The following PFDN1 variants were observed in gnomAD, a reference collection of about 807,000 sequenced individuals.
PFDN1 encodes prefoldin subunit 1, also known as prefoldin 1.
A neutral mutation model predicts 17.3 loss-of-function variants in PFDN1; 6 were observed. The ratio of observed to expected loss-of-function variants is 0.35; its 90% CI spans 0.19 to 0.69. PFDN1 has a LOEUF of 0.69. Among genes scored for constraint, PFDN1 ranks in the 30% least tolerant of loss-of-function variants. The probability of loss-of-function intolerance (pLI) is 0.65; values close to 1 mark genes in which losing one functional copy is unlikely to be tolerated. For synonymous variants in PFDN1, 58 were observed against 50.1 expected (o/e 1.16, Z -0.67); for missense variants, 113 against 146.2 (o/e 0.77, Z 1.17).
At chr5:140,280,110 T>G (rs1054999607) in intron 3 of PFDN1, among the ~76,000 whole-genome samples, 12 of 151,990 alleles carry the variant, frequency 7.9e-5, no homozygotes, top group Non-Finnish European at 1.6e-4. Flanking sequence ...GTATTAACAA[T>G]TTAATATATA....
intron 3 of PFDN1, among the ~76,000 whole-genome samples, chr5:140,258,798 G>A (rs1765023715): frequency 6.6e-6 from 1 of 152,190 alleles, no homozygotes. Flanking sequence ...GGAAGATTCT[G>A]AGCTTCGTTT....
chr5:140,247,056 T>C (rs1347339164), intron 3 of PFDN1, among the ~76,000 whole-genome samples: 4 of 152,158 alleles, frequency 2.6e-5, no homozygotes, highest in Admixed American at 2.6e-4. Flanking sequence ...GTTCCACCCA[T>C]TAAAGTGCCC....
chr5:140,269,507 G>A (rs1445398213), intron 3 of PFDN1, among the ~76,000 whole-genome samples: 1 of 151,248 alleles, frequency 6.6e-6, no homozygotes, highest in Admixed American at 6.6e-5. Flanking sequence ...TAGTAGAGAT[G>A]GGGGTCTCTC....
Position 140,300,489 on chromosome 5 carries a change from G to A in PFDN1, c.127C>T (p.His43Tyr). 6.2e-7 allele frequency: 1 copy of A among 1,610,788 alleles called. No individual in the cohort carries two copies. Among genetic ancestry groups the A allele is most frequent in the Non-Finnish European group, 8.5e-7 (1 of 1,177,040 alleles). ...ATCTCTGTATCTGTAAGATGTGCAT[G>A]CTTTTTCGTTCTGTTTAGCTGTTCA... The part of the protein sequence containing the change: ...QIEQLNRTKK[H>Y]AHLTDTEIMT... Residue 43 changes from histidine to tyrosine, a missense_variant, in exon 2 of 4, where the codon CAT (histidine) becomes TAT (tyrosine). Physicochemically the swap from His to Tyr is moderately conservative, Grantham distance 83. Coordinates refer to ENST00000261813, the MANE Select transcript of PFDN1 (RefSeq NM_002622.5).
At chr5:140,275,265 T>G (rs547235013) in intron 3 of PFDN1, among the ~76,000 whole-genome samples, 1 of 151,736 alleles carries the variant, frequency 6.6e-6, no homozygotes, top group African/African-American at 2.4e-5. Flanking sequence ...AAAAATTAGC[T>G]GGGCATGGCG....
chr5:140,300,652 A>T, intron 1 of PFDN1, 70 bp from the exon 2 acceptor site: 1 of 1,036,218 alleles, frequency 9.7e-7, no homozygotes, highest in Non-Finnish European at 1.4e-6. Flanking sequence ...AAATCCAAAT[A>T]TATTAAAACA....
At chr5:140,270,817 T>C (rs1554071924) in intron 3 of PFDN1, among the ~76,000 whole-genome samples, 1 of 151,978 alleles carries the variant, frequency 6.6e-6, no homozygotes, top group Non-Finnish European at 1.5e-5. Context: ...TCCCAGCTAC[T>C]TGGGAGGCTG....
At chr5:140,263,965 G>A (rs1765100036) in intron 3 of PFDN1, among the ~76,000 whole-genome samples, 2 of 139,452 alleles carry the variant, frequency 1.4e-5, no homozygotes, top group South Asian at 4.5e-4. Context: ...AGCTTGCAGT[G>A]AGCCGAGATT....
Position 140,301,524 on chromosome 5 carries a change from C to T in PFDN1, c.34-942G>A, listed in dbSNP as rs576970831. On this transcript the variant is annotated intron_variant, in intron 1 of 3. Transcript: ENST00000261813. ...TTTATTGTGACCTTGTTTTCACCTA[C>T]TAGTAAGGTTTTGAAAGATTTACTT... Among the ~76,000 whole-genome samples, 20 of 152,252 alleles carry T rather than the reference C, an allele frequency of 1.3e-4. No homozygotes were observed. In the South Asian group the frequency reaches 4.1e-3, roughly 32 times the overall value.
chr5:140,294,899 C>T (rs1341616498), intron 2 of PFDN1, among the ~76,000 whole-genome samples: 1 of 151,806 alleles, frequency 6.6e-6, no homozygotes, highest in Non-Finnish European at 1.5e-5. Context: ...CAGATTTATA[C>T]CATTGTTCAT....
intron 3 of PFDN1, among the ~76,000 whole-genome samples, chr5:140,269,475 C>A (rs1220099210): frequency 1.3e-5 from 2 of 152,040 alleles, no homozygotes; most frequent in African/African-American, 4.8e-5. Flanking sequence ...TGCGCCACCA[C>A]GCCCGGCTAA....
chr5:140,247,911 C>A (rs902040871), intron 3 of PFDN1, among the ~76,000 whole-genome samples: 2 of 152,076 alleles, frequency 1.3e-5, no homozygotes, highest in African/African-American at 4.8e-5. Flanking sequence ...GCCTGGGCAA[C>A]AAGAGCAAAA....
At chr5:140,286,668 C>A (rs548027715) in intron 2 of PFDN1, among the ~76,000 whole-genome samples, 45 of 141,554 alleles carry the variant, frequency 3.2e-4, no homozygotes, top group African/African-American at 1.1e-3. Flanking sequence ...TACAGTGATG[C>A]CACCTCAGCT....
intron 2 of PFDN1, among the ~76,000 whole-genome samples, chr5:140,297,808 C>T (rs1765675947): frequency 6.6e-6 from 1 of 152,134 alleles, no homozygotes; most frequent in South Asian, 2.1e-4. Context: ...TGAAACTATT[C>T]TAATTAAAAA....
intron 3 of PFDN1, among the ~76,000 whole-genome samples, chr5:140,279,905 G>A (rs1765364406): frequency 6.9e-6 from 1 of 144,334 alleles, no homozygotes; most frequent in African/African-American, 2.5e-5. Flanking sequence ...TGAGACAGGA[G>A]AATCGCTTGA....
At chr5:140,279,729 C>T (rs770132251) in intron 3 of PFDN1, among the ~76,000 whole-genome samples, 4 of 151,696 alleles carry the variant, frequency 2.6e-5, no homozygotes, top group Non-Finnish European at 4.4e-5. Flanking sequence ...AGGCCAGGCG[C>T]AGTGGCCTAT....
chr5:140,286,834 A>C (rs1765502129), intron 2 of PFDN1, among the ~76,000 whole-genome samples: 1 of 152,004 alleles, frequency 6.6e-6, no homozygotes, highest in South Asian at 2.1e-4. Context: ...CGAACTCCTG[A>C]CCTCAGGGGA....
chr5:140,255,756 T>C (rs985536851), intron 3 of PFDN1, among the ~76,000 whole-genome samples: 1 of 152,190 alleles, frequency 6.6e-6, no homozygotes, highest in African/African-American at 2.4e-5. Context: ...CTTAATCTTC[T>C]ATTTCTTACT....
At chr5:140,289,487 C>T (rs1323700155) in intron 2 of PFDN1, among the ~76,000 whole-genome samples, 1 of 152,052 alleles carries the variant, frequency 6.6e-6, no homozygotes, top group Non-Finnish European at 1.5e-5. Flanking sequence ...TCCATGTTTC[C>T]CTCATTAACT....
Sources: allele counts gnomAD v4.1 joint callset (sites outside exome capture counted in the v4.1 genomes callset), GRCh38; gene constraint gnomAD v4.1.1; transcripts MANE v1.5; gene names NCBI Gene and HGNC (gene_info 2026-07-23, HGNC 2026-07-21).